The following ANO4 variants were observed in gnomAD, a reference collection of about 807,000 sequenced individuals.
ANO4 encodes the protein anoctamin 4.
A neutral mutation model predicts 141.9 loss-of-function variants in ANO4; 69 were observed. That is an observed-to-expected ratio of 0.49 (90% CI 0.40 to 0.59). The LOEUF is 0.59. ANO4 is among the 20% of genes least tolerant of loss of function. The probability of loss-of-function intolerance (pLI) is 0.00; values close to 1 mark genes in which losing one functional copy is unlikely to be tolerated. For missense variants in ANO4, 894 were observed against 1,162.2 expected, an observed-to-expected ratio of 0.77 and a Z score of 3.36; for synonymous variants, 350 against 394.3, an observed-to-expected ratio of 0.89 and a Z score of 1.33.
At chr12:100,838,257 G>A (rs557908424) in intron 1 of ANO4, among the ~76,000 whole-genome samples, 75 of 144,566 alleles carry the variant, frequency 5.2e-4, no homozygotes, top group African/African-American at 1.8e-3. Flanking sequence ...AAAAAGATTT[G>A]CAAGAGTTAC....
At position 101,043,542 on chromosome 12, in the gene ANO4, A is replaced by T. The variant is rs1431920112; in HGVS notation, c.1158A>T (p.Lys386Asn). 3.7e-6 allele frequency: 6 copies of T among 1,612,044 alleles called. No individual in the cohort carries two copies. In the Admixed American group the frequency reaches 5.0e-5, roughly 13 times the overall value. Residue 386 changes from lysine to asparagine, a missense_variant, in exon 13 of 28, where the codon AAA (lysine) becomes AAT (asparagine). Physicochemically the swap from Lys to Asn is moderately conservative, Grantham distance 94 (BLOSUM62 0). Around this residue, in one of 2 missense-constraint regions of ANO4, gnomAD observed 637 missense variants for 909.2 expected, o/e 0.70. Transcript: ENST00000392977. ...VTTLDHSQVS[K>N]EVCQATDIIM... is the part of the protein sequence containing the mutation. Reference sequence around the variant, plus strand: ...TCCTTTCTGTTCTCTTTTCCAGTAAAGAAGTCTGCCAAGCTACAGATATCA... The same window carrying T: ...TCCTTTCTGTTCTCTTTTCCAGTAATGAAGTCTGCCAAGCTACAGATATCA...
intron 1 of ANO4, among the ~76,000 whole-genome samples, chr12:100,891,144 T>C (rs2040085870): frequency 6.6e-6 from 1 of 152,234 alleles, no homozygotes; most frequent in Admixed American, 6.5e-5. Context: ...TTTTCATGGC[T>C]TGACAGTTTG....
chr12:100,899,251 T>G (rs11110579), intron 1 of ANO4, among the ~76,000 whole-genome samples: 77 of 152,206 alleles, frequency 5.1e-4, no homozygotes, highest in Non-Finnish European at 6.6e-4. Context: ...AAACAACATC[T>G]TGGGGGCAGA....
intron 22 of ANO4, among the ~76,000 whole-genome samples, chr12:101,100,059 G>A (rs1339389350): frequency 6.6e-6 from 1 of 152,152 alleles, no homozygotes; most frequent in Non-Finnish European, 1.5e-5. Flanking sequence ...CATCTCTAAA[G>A]TGGGAATAAT....
At chr12:101,054,648 C>A (rs1048344276) in intron 14 of ANO4, among the ~76,000 whole-genome samples, 1 of 152,264 alleles carries the variant, frequency 6.6e-6, no homozygotes, top group South Asian at 2.1e-4. Context: ...TACAGGCGCC[C>A]GCCACCACGC....
intron 8 of ANO4, among the ~76,000 whole-genome samples, chr12:100,998,187 C>T (rs1250054592): frequency 1.3e-5 from 2 of 152,254 alleles, no homozygotes; most frequent in Admixed American, 6.5e-5. Flanking sequence ...GCAGAAAAAA[C>T]GTGAAGAGGC....
chr12:100,929,646 A>C (rs1353818351), intron 3 of ANO4, among the ~76,000 whole-genome samples: 1 of 152,164 alleles, frequency 6.6e-6, no homozygotes, highest in South Asian at 2.1e-4. Context: ...GAATTGCTGG[A>C]TCATATGGAA....
At chr12:101,001,055 A>G (rs1308070022) in intron 8 of ANO4, among the ~76,000 whole-genome samples, 2 of 151,912 alleles carry the variant, frequency 1.3e-5, no homozygotes, top group African/African-American at 4.9e-5. Flanking sequence ...ATGTATATTT[A>G]TGTGTGCATG....
intron 1 of ANO4, among the ~76,000 whole-genome samples, chr12:100,891,925 C>A (rs1383028763): frequency 6.6e-6 from 1 of 152,166 alleles, no homozygotes; most frequent in Admixed American, 6.5e-5. Context: ...CTCCACCCCC[C>A]AGCTTTTGGT....
intron 14 of ANO4, among the ~76,000 whole-genome samples, chr12:101,074,934 A>ACTCTGTCTGTGCT (rs1303528540): frequency 6.6e-6 from 1 of 152,186 alleles, no homozygotes; most frequent in Non-Finnish European, 1.5e-5. Context: ...TGAAGGTATA[A>ACTCTGTCTGTGCT]AGACAACTAA....
At chr12:101,057,968 T>C in intron 14 of ANO4, among the ~76,000 whole-genome samples, 1 of 152,216 alleles carries the variant, frequency 6.6e-6, no homozygotes, top group East Asian at 1.9e-4. Context: ...ATTGCCTAGG[T>C]TTTCCTCTAG....
chr12:100,779,697 C>T (rs573376504), intron 3 of ANO4, among the ~76,000 whole-genome samples: 1 of 152,286 alleles, frequency 6.6e-6, no homozygotes, highest in Non-Finnish European at 1.5e-5. Flanking sequence ...AACATGCTAG[C>T]CTTTCCTCCT....
intron 2 of ANO4, among the ~76,000 whole-genome samples, chr12:100,916,543 G>A (rs2041351923): frequency 6.6e-6 from 1 of 152,146 alleles, no homozygotes; most frequent in Admixed American, 6.6e-5. Context: ...TTACTGTCTA[G>A]TTGAAGGTGC....
At chr12:100,871,363 C>T (rs2039025004) in intron 1 of ANO4, among the ~76,000 whole-genome samples, 1 of 152,176 alleles carries the variant, frequency 6.6e-6, no homozygotes, top group Non-Finnish European at 1.5e-5. Context: ...CCACTTTGTG[C>T]CAAACTTGTT....
intron 3 of ANO4, among the ~76,000 whole-genome samples, chr12:100,934,375 T>C (rs1249148582): frequency 6.6e-6 from 1 of 152,248 alleles, no homozygotes; most frequent in Non-Finnish European, 1.5e-5. Context: ...CGTTTCTTGT[T>C]TTTGTCAGGT....
At chr12:100,821,106 C>T (rs2036027732) in intron 1 of ANO4, among the ~76,000 whole-genome samples, 1 of 152,042 alleles carries the variant, frequency 6.6e-6, no homozygotes, top group African/African-American at 2.4e-5. Context: ...ACGAATTCAC[C>T]TGTTGATGCC....
intron 3 of ANO4, among the ~76,000 whole-genome samples, chr12:100,778,949 A>G (rs2033624677): frequency 6.6e-6 from 1 of 152,130 alleles, no homozygotes. Flanking sequence ...CCTTTGGGGT[A>G]TTAGGCAGGG....
At chr12:100,916,428 T>C (rs1258666508) in intron 2 of ANO4, among the ~76,000 whole-genome samples, 4 of 152,148 alleles carry the variant, frequency 2.6e-5, no homozygotes, top group Non-Finnish European at 5.9e-5. Flanking sequence ...TAATGTGAAA[T>C]TGCAGTGAAA....
chr12:100,791,334 C>T (rs192649130), upstream of ANO4, among the ~76,000 whole-genome samples: 13 of 152,162 alleles, frequency 8.5e-5, no homozygotes, highest in Admixed American at 5.2e-4. Flanking sequence ...TGCTTAAACC[C>T]GGGAGGCAGA....
Sources: gnomAD v4.1 joint callset for allele counts (sites outside exome capture counted in the v4.1 genomes callset) on GRCh38, gnomAD v4.1.1 for gene constraint, gnomAD v4.1.1 regional missense constraint, MANE v1.5 for transcripts, NCBI Gene and HGNC (gene_info 2026-07-23, HGNC 2026-07-21) for gene names.